The following BRWD1 variants were observed in gnomAD, a reference collection of about 807,000 sequenced individuals.
BRWD1 encodes bromodomain and WD repeat domain containing 1, also known as bromodomain and WD repeat-containing protein 1.
Under a neutral mutation model 251.2 loss-of-function variants are expected in BRWD1, and 82 were observed. The observed-to-expected ratio is 0.33, with a 90% CI of 0.27 to 0.39. The LOEUF is 0.39. Among genes scored for constraint, BRWD1 ranks in the 10% least tolerant of loss-of-function variants. The pLI is 1.00. For synonymous variants in BRWD1, 918 were observed against 902.8 expected (o/e 1.02, Z -0.30); for missense variants, 2,233 against 2,711.6 (o/e 0.82, Z 3.92).
At chr21:39,278,183 T>C (rs1216555971) in intron 10 of BRWD1, among the ~76,000 whole-genome samples, 1 of 152,100 alleles carries the variant, frequency 6.6e-6, no homozygotes, top group Admixed American at 6.6e-5. Flanking sequence ...GGCAATATAA[T>C]GCCAATTAAG....
Position 39,215,099 on chromosome 21 carries a change from A to T in BRWD1, c.3785+138T>A, listed in dbSNP as rs2032830484. 4 of 744,918 alleles carry T rather than the reference A, an allele frequency of 5.4e-6. No homozygotes were observed. In the Admixed American group the frequency reaches 7.6e-5, roughly 14 times the overall value. The allele number at this position is 744,918 out of a possible 1,614,324, so 46.1% of individuals were successfully genotyped here. A position where few individuals can be genotyped will look rare whatever the true frequency, so the allele number is the denominator to read the frequency against. Reference sequence around the variant, plus strand: ...TTGGTACGCTGGTCTCAAATGCCTGACCGCAAGTGATCTGACGGCCTTCAC... The same window carrying T: ...TTGGTACGCTGGTCTCAAATGCCTGTCCGCAAGTGATCTGACGGCCTTCAC... On this transcript the variant is annotated intron_variant, in intron 32 of 40. Coordinates refer to ENST00000342449, the MANE Select transcript of BRWD1 (RefSeq NM_033656.4).
chr21:39,232,115 G>T (rs953979908), intron 25 of BRWD1, 62 bp downstream of exon 25: 8 of 1,235,296 alleles, frequency 6.5e-6, no homozygotes, highest in Non-Finnish European at 9.3e-6. Context: ...AAATAGATTT[G>T]TAAGTAATTT....
intron 21 of BRWD1, among the ~76,000 whole-genome samples, chr21:39,243,736 G>A (rs78960057): frequency 0.015 from 2,316 of 152,202 alleles, 57 homozygotes; most frequent in African/African-American, 0.053. Context: ...ACAGGCATGA[G>A]ACACTGCACC....
At chr21:39,206,043 G>T in intron 37 of BRWD1, 65 bp downstream of exon 37, 2 of 1,482,340 alleles carry the variant, frequency 1.3e-6, no homozygotes, top group South Asian at 1.3e-5. Flanking sequence ...CAGCCTGGGT[G>T]ACACAGTGAG....
At chr21:39,221,380 AAAGC>A (rs1326376679) in intron 29 of BRWD1, among the ~76,000 whole-genome samples, 1 of 152,224 alleles carries the variant, frequency 6.6e-6, no homozygotes, top group African/African-American at 2.4e-5. Context: ...TTCATAAAAC[AAAGC>A]AATAATAACT....
At chr21:39,223,967 G>A (rs2033282219) in intron 29 of BRWD1, among the ~76,000 whole-genome samples, 1 of 152,116 alleles carries the variant, frequency 6.6e-6, no homozygotes, top group South Asian at 2.1e-4. Context: ...TCCTGCCTCA[G>A]CCTCCCAAGT....
intron 20 of BRWD1, 41 bp downstream of exon 20, chr21:39,250,755 A>G (rs2034368171): frequency 8.1e-7 from 1 of 1,235,568 alleles, no homozygotes. Flanking sequence ...CTATATTTCA[A>G]TGTAATTTCT....
intron 36 of BRWD1, among the ~76,000 whole-genome samples, chr21:39,208,197 A>G (rs2032495965): frequency 6.6e-6 from 1 of 152,244 alleles, no homozygotes; most frequent in Admixed American, 6.5e-5. Flanking sequence ...TAAGCTTTCA[A>G]TGGTGAACTG....
chr21:39,312,807 GA>G, intron 4 of BRWD1, 33 bp downstream of exon 4: 2 of 1,577,876 alleles, frequency 1.3e-6, no homozygotes, highest in African/African-American at 2.7e-5. Context: ...GCGGTGCACG[GA>G]AAACCCGGGG....
Position 39,186,239 on chromosome 21 carries a change from C to G in BRWD1, c.*10020G>C, listed in dbSNP as rs1485903695. On this transcript the variant is annotated 3_prime_UTR_variant, in exon 41 of 41. Coordinates refer to ENST00000342449, the MANE Select transcript of BRWD1 (RefSeq NM_033656.4). Reference sequence around the variant, plus strand: ...CACATTTTTGGCATTTCTGTAAATGCTGCTACATACAAGTAAAAATAAGGA... The same window carrying G: ...CACATTTTTGGCATTTCTGTAAATGGTGCTACATACAAGTAAAAATAAGGA... 2 of 152,150 alleles carry G rather than the reference C, an allele frequency of 1.3e-5. No homozygotes were observed. The highest frequency in any genetic ancestry group is 2.9e-5 in the Non-Finnish European group (2 of 68,020). The allele number at this position is 152,150 out of a possible 1,614,324, so 9.4% of individuals were successfully genotyped here. A position where few individuals can be genotyped will look rare whatever the true frequency, so the allele number is the denominator to read the frequency against.
At position 39,298,519 on chromosome 21, in the gene BRWD1, T is replaced by C. The variant is rs1224013917; in HGVS notation, c.262A>G (p.Met88Val). 3 of 1,611,346 alleles carry C rather than the reference T, an allele frequency of 1.9e-6. No homozygotes were observed. The highest frequency in any genetic ancestry group is 1.7e-5 in the Admixed American group (1 of 59,148). Reference sequence around the variant, plus strand: ...CTGGGTGGAATTTCTTTATCCAACATAGGACCGATGCGCTGGCAGATTTGC... The same window carrying C: ...CTGGGTGGAATTTCTTTATCCAACACAGGACCGATGCGCTGGCAGATTTGC... ...LLQICQRIGPMLDKEIPPSIS... is the reference protein window; with the variant it reads ...LLQICQRIGPVLDKEIPPSIS... Residue 88 changes from methionine (M) to valine (V), a missense_variant, in exon 5 of 41, where the codon ATG becomes GTG. Coordinates refer to ENST00000342449, the MANE Select transcript of BRWD1 (RefSeq NM_033656.4).
At chr21:39,254,855 T>C (rs2146623212) in intron 19 of BRWD1, among the ~76,000 whole-genome samples, 1 of 152,332 alleles carries the variant, frequency 6.6e-6, no homozygotes, top group South Asian at 2.1e-4. Context: ...TTATCACTTA[T>C]GAAGCAGTCT....
chr21:39,208,747 C>T (rs1025409769), intron 36 of BRWD1, among the ~76,000 whole-genome samples: 3 of 151,944 alleles, frequency 2.0e-5, no homozygotes, highest in Non-Finnish European at 4.4e-5. Context: ...TTTTTTATCT[C>T]TAGTAGAGAA....
Position 39,225,090 on chromosome 21 carries a change from C to T in BRWD1, c.3316G>A (p.Val1106Ile). 4 of 1,591,354 alleles carry T rather than the reference C, an allele frequency of 2.5e-6. No homozygotes were observed. Among genetic ancestry groups the T allele is most frequent in the Non-Finnish European group, 3.4e-6 (4 of 1,159,560 alleles). ...AGTTTTCATCTGTATACAAACCTAACAATATAACACTGGAAATGACTATCA... is the reference window on the plus strand; with the variant it reads ...AGTTTTCATCTGTATACAAACCTAATAATATAACACTGGAAATGACTATCA... ...YPDSHFQCYIVRWDNTEIEKL... is the reference protein window; with the variant it reads ...YPDSHFQCYIIRWDNTEIEKL... The change falls in exon 28 of 41, where the codon GTT becomes ATT. Residue 1106 changes from valine to isoleucine, a missense_variant. This residue lies in a region of BRWD1 where 139 missense variants were observed against 272.8 expected (regional missense o/e 0.51). Transcript: ENST00000342449.
intron 8 of BRWD1, among the ~76,000 whole-genome samples, chr21:39,282,383 A>G (rs1053111318): frequency 5.6e-4 from 85 of 152,348 alleles, no homozygotes; most frequent in African/African-American, 2.0e-3. Context: ...GTGATTGTTT[A>G]TATCTAAGTA....
chr21:39,219,698 C>A (rs1337791446), intron 29 of BRWD1: 1 of 152,176 alleles, frequency 6.6e-6, no homozygotes, highest in African/African-American at 2.4e-5. Context: ...ATAGAGCATT[C>A]TTTGGGAATG....
rs761702412 is a variant in BRWD1 at position 39,224,474 on chromosome 21, TA to T, written c.3321-6del. On this transcript the variant is annotated splice_region_variant and splice_polypyrimidine_tract_variant and intron_variant, in intron 28 of 40. Coordinates refer to ENST00000342449, the MANE Select transcript of BRWD1 (RefSeq NM_033656.4). ...TCAATTTCAGTATTATCCCACCTGT[TA>T]AAAAACAACAAATCTCTGGTTAGCC... is the stretch of plus-strand genomic sequence containing the variant. The T allele has an allele frequency of 6.3e-7, 1 of 1,588,988 alleles. No homozygotes were observed. Among genetic ancestry groups the T allele is most frequent in the South Asian group, 1.2e-5 (1 of 86,294 alleles).
intron 21 of BRWD1, among the ~76,000 whole-genome samples, chr21:39,239,793 T>C (rs1188025425): frequency 1.3e-5 from 2 of 152,224 alleles, no homozygotes; most frequent in African/African-American, 2.4e-5. Flanking sequence ...CTCTCATTCA[T>C]TACTGATAGG....
rs201905326 is a variant in BRWD1 at position 39,197,059 on chromosome 21, C to T, written c.6010G>A (p.Glu2004Lys). Residue 2004 changes from glutamate to lysine, a missense_variant, in exon 41 of 41, where the codon GAA becomes AAA. This residue lies in a region of BRWD1 where 928 missense variants were observed against 970.0 expected (regional missense o/e 0.96). Coordinates refer to ENST00000342449, the MANE Select transcript of BRWD1 (RefSeq NM_033656.4). ...TGACTAAGCACTTTTGTACTACCTTCGGAGTCAGGATCAGGTGGCTTGCCT... is the reference window on the plus strand; with the variant it reads ...TGACTAAGCACTTTTGTACTACCTTTGGAGTCAGGATCAGGTGGCTTGCCT... ...CEGKPPDPDS[E>K]GSTKVLSQAL... 86 of 1,614,000 alleles carry T rather than the reference C, an allele frequency of 5.3e-5. 1 individual carries two copies. In the East Asian group the frequency reaches 1.8e-3, roughly 33 times the overall value.
Sources: gnomAD v4.1 joint callset for allele counts (sites outside exome capture counted in the v4.1 genomes callset) on GRCh38, gnomAD v4.1.1 for gene constraint, gnomAD v4.1.1 regional missense constraint, MANE v1.5 for transcripts, NCBI Gene and HGNC (gene_info 2026-07-23, HGNC 2026-07-21) for gene names.